Variants in LIPA observed in about 807,000 individuals in gnomAD.
LIPA encodes lipase A, lysosomal acid type.
A neutral mutation model predicts 40.6 loss-of-function variants in LIPA; 26 were observed. The observed-to-expected ratio is 0.64, with a 90% CI of 0.47 to 0.89. LIPA has a LOEUF of 0.89. LIPA is among the 40% of genes least tolerant of loss of function. The pLI, the probability that LIPA is intolerant of heterozygous loss-of-function variation, is 0.00. For missense variants in LIPA, 455 were observed against 479.6 expected (o/e 0.95, Z 0.48); for synonymous variants, 188 against 168.4 (o/e 1.12, Z -0.90).
intron 2 of LIPA, among the ~76,000 whole-genome samples, chr10:89,388,308 G>T (rs1004692813): frequency 6.6e-6 from 1 of 152,112 alleles, no homozygotes; most frequent in Non-Finnish European, 1.5e-5. Context: ...GTTTTGCCAT[G>T]TTGGCCAGCA....
chr10:89,256,091 G>A (rs1298903514), upstream of LIPA, among the ~76,000 whole-genome samples: 2 of 152,228 alleles, frequency 1.3e-5, no homozygotes, highest in African/African-American at 4.8e-5. Context: ...TCTTCCTTCA[G>A]TCTTCCACAA....
At chr10:89,372,210 C>T (rs1844095632) in intron 2 of LIPA, among the ~76,000 whole-genome samples, 1 of 152,210 alleles carries the variant, frequency 6.6e-6, no homozygotes, top group African/African-American at 2.4e-5. Flanking sequence ...GATACAAGAA[C>T]AGGTTTATGG....
intron 1 of LIPA, chr10:89,339,851 A>G (rs1843828817): frequency 1.9e-6 from 3 of 1,614,208 alleles, no homozygotes; most frequent in Middle Eastern, 1.6e-4. Context: ...GAAGAGATCA[A>G]AGACCAACCA....
chr10:89,270,521 T>A (rs1402360398), intron 1 of LIPA, among the ~76,000 whole-genome samples: 1 of 152,228 alleles, frequency 6.6e-6, no homozygotes, highest in Non-Finnish European at 1.5e-5. Flanking sequence ...TGTTGATATA[T>A]CCTTTCCAAT....
upstream of LIPA, among the ~76,000 whole-genome samples, chr10:89,343,767 A>G (rs951569547): frequency 2.0e-5 from 3 of 152,178 alleles, no homozygotes; most frequent in African/African-American, 7.2e-5. Context: ...CCCGATTGCC[A>G]TATGGGGCAG....
chr10:89,306,742 G>A (rs758874731), intron 1 of LIPA: 2 of 1,613,972 alleles, frequency 1.2e-6, no homozygotes, highest in Admixed American at 1.7e-5. Context: ...GAAAAGATGA[G>A]CCAGACAAAG....
chr10:89,320,132 G>T (rs1279571697), intron 1 of LIPA, among the ~76,000 whole-genome samples: 1 of 152,126 alleles, frequency 6.6e-6, no homozygotes, highest in Non-Finnish European at 1.5e-5. Flanking sequence ...GCAAAAACTG[G>T]AAGTATTCCC....
chr10:89,361,910 T>C (rs1055364769), intron 2 of LIPA, among the ~76,000 whole-genome samples: 105 of 92,514 alleles, frequency 1.1e-3, no homozygotes, highest in African/African-American at 5.1e-3. Context: ...TTTTTTTTTT[T>C]TTGAGACAGG....
intron 2 of LIPA, among the ~76,000 whole-genome samples, chr10:89,367,740 C>A (rs376646591): frequency 3.3e-5 from 5 of 152,236 alleles, no homozygotes; most frequent in African/African-American, 1.2e-4. Flanking sequence ...GAGTTTTGAG[C>A]GTTTGTGTGT....
chr10:89,325,866 TA>T (rs766049142), intron 1 of LIPA, among the ~76,000 whole-genome samples: 3 of 151,136 alleles, frequency 2.0e-5, no homozygotes, highest in East Asian at 1.9e-4. Flanking sequence ...AAATATAAGT[TA>T]AAAAAAAACC....
rs192121571 is a variant in LIPA at position 89,278,308 on chromosome 10, G to A, written c.-1-30659C>T. On this transcript the variant is annotated intron_variant, in intron 1 of 5. Transcript: ENST00000282673. ...ATTGGCTCCAAGAGAAAAAATCCAT[G>A]ACAAGAATAGCTGGGAGTTGAGTCA... is the stretch of plus-strand genomic sequence containing the variant. 23 of 152,320 alleles carry A rather than the reference G, an allele frequency of 1.5e-4. No homozygotes were observed. In the East Asian group the frequency reaches 2.3e-3, roughly 15 times the overall value. The allele number at this position is 152,320 out of a possible 1,614,324, so 9.4% of individuals were successfully genotyped here. A position where few individuals can be genotyped will look rare whatever the true frequency, so the allele number is the denominator to read the frequency against.
intron 2 of LIPA, among the ~76,000 whole-genome samples, chr10:89,381,634 G>T (rs1385744807): frequency 1.3e-5 from 2 of 152,168 alleles, no homozygotes; most frequent in Non-Finnish European, 2.9e-5. Context: ...TTTAGATGGA[G>T]ACTCTGAGGG....
At chr10:89,383,736 G>A (rs1383593566) in intron 2 of LIPA, 1 of 1,614,076 alleles carries the variant, frequency 6.2e-7, no homozygotes, top group Non-Finnish European at 8.5e-7. Flanking sequence ...GTCCAGAGGT[G>A]GACTGTGAGG....
At chr10:89,391,654 C>T (rs1443293299) in intron 2 of LIPA, among the ~76,000 whole-genome samples, 4 of 151,306 alleles carry the variant, frequency 2.6e-5, no homozygotes, top group African/African-American at 9.7e-5. Flanking sequence ...CTCAGCCTCT[C>T]GAGTAGGTGG....
chr10:89,216,404 T>C (rs920901811), intron 8 of LIPA, among the ~76,000 whole-genome samples: 13 of 133,492 alleles, frequency 9.7e-5, no homozygotes, highest in African/African-American at 4.2e-4. Context: ...GCTACATATA[T>C]ATATACATAT....
At chr10:89,288,676 C>G (rs1843354389) in intron 1 of LIPA, among the ~76,000 whole-genome samples, 1 of 152,104 alleles carries the variant, frequency 6.6e-6, no homozygotes, top group African/African-American at 2.4e-5. Flanking sequence ...CAGGCCTAAT[C>G]TCCACTCACC....
intron 1 of LIPA, 175 bp from the exon 2 acceptor site, chr10:89,247,824 A>C: frequency 3.0e-6 from 1 of 334,076 alleles, no homozygotes; most frequent in Non-Finnish European, 5.2e-6. Context: ...AGGAATTTTT[A>C]AATTTTATTT....
At chr10:89,384,651 C>A in intron 2 of LIPA, 1 of 1,614,176 alleles carries the variant, frequency 6.2e-7, no homozygotes, top group Non-Finnish European at 8.5e-7. Flanking sequence ...TTGGGCTTAT[C>A]CACAAATTGA....
intron 1 of LIPA, chr10:89,308,794 C>T (rs1277751816): frequency 6.6e-6 from 1 of 152,162 alleles, no homozygotes; most frequent in Non-Finnish European, 1.5e-5. Context: ...ACTGTAACAA[C>T]AGTTTTTGTG....
Sources: gnomAD v4.1 joint callset for allele counts (sites outside exome capture counted in the v4.1 genomes callset) on GRCh38, gnomAD v4.1.1 for gene constraint, MANE v1.5 for transcripts, NCBI Gene and HGNC (gene_info 2026-07-23, HGNC 2026-07-21) for gene names.